The following FBXL3 variants were observed in gnomAD, a reference collection of about 807,000 sequenced individuals.
The protein encoded by FBXL3 is F-box and leucine rich repeat protein 3.
Under a neutral mutation model 37.9 loss-of-function variants are expected in FBXL3, and 14 were observed. That is an observed-to-expected ratio of 0.37 (90% CI 0.24 to 0.58). The LOEUF (loss-of-function observed/expected upper bound fraction) is 0.58. Among genes scored for constraint, FBXL3 ranks in the 20% least tolerant of loss-of-function variants. The pLI, the probability that FBXL3 is intolerant of heterozygous loss-of-function variation, is 0.74. For synonymous variants in FBXL3, 194 were observed against 180.1 expected, an observed-to-expected ratio of 1.08 and a Z score of -0.62; for missense variants, 327 against 511.1, an observed-to-expected ratio of 0.64 and a Z score of 3.47.
rs942164960 is a variant in FBXL3, at chr13:77,006,787, T to A, written c.*358A>T. On this transcript the variant is annotated 3_prime_UTR_variant, in exon 5 of 5. Transcript: ENST00000355619. ...AAAATGTCAAGTTTACATTTTTTTT[T>A]AAATGCATAGAGAATATAACATTTC... 109 of 995,982 alleles carry A rather than the reference T, an allele frequency of 1.1e-4. No homozygotes were observed. The highest frequency in any genetic ancestry group is 1.3e-4 in the Non-Finnish European group (104 of 830,140). The allele number at this position is 995,982 out of a possible 1,614,324, so 61.7% of individuals were successfully genotyped here. A position where few individuals can be genotyped will look rare whatever the true frequency, so the allele number is the denominator to read the frequency against.
At chr13:77,014,061 AAGG>A (rs1346545451) in intron 4 of FBXL3, 2 of 152,224 alleles carry the variant, frequency 1.3e-5, no homozygotes, top group Admixed American at 1.3e-4. Context: ...CTCAACCAGA[AAGG>A]AGAAGTTCCC....
At chr13:77,025,727 A>T (rs892027832) in intron 1 of FBXL3, among the ~76,000 whole-genome samples, 15 of 151,210 alleles carry the variant, frequency 9.9e-5, no homozygotes, top group African/African-American at 3.4e-4. Context: ...GAAAGAAGCA[A>T]CTTCATTAGG....
chr13:77,020,966 T>C (rs2034732302), intron 2 of FBXL3, among the ~76,000 whole-genome samples: 1 of 152,234 alleles, frequency 6.6e-6, no homozygotes, highest in Admixed American at 6.5e-5. Context: ...CACTGCATGA[T>C]TTCCAATACC....
At chr13:77,024,061 A>C (rs1409322099) in intron 1 of FBXL3, among the ~76,000 whole-genome samples, 1 of 152,228 alleles carries the variant, frequency 6.6e-6, no homozygotes, top group Admixed American at 6.5e-5. Context: ...AGAATGACAG[A>C]GGTGACAGCA....
intron 2 of FBXL3, among the ~76,000 whole-genome samples, chr13:77,021,283 A>C: frequency 6.6e-6 from 1 of 152,174 alleles, no homozygotes. Flanking sequence ...ACTTATGCTT[A>C]TTTAGTGGCT....
intron 1 of FBXL3, among the ~76,000 whole-genome samples, chr13:77,025,379 CCA>C (rs1457617210): frequency 2.0e-5 from 3 of 152,164 alleles, no homozygotes; most frequent in African/African-American, 7.2e-5. Flanking sequence ...TGAGGAAAGA[CCA>C]CAGACTAGCT....
intron 1 of FBXL3, chr13:77,026,365 C>T (rs918305960): frequency 2.3e-4 from 226 of 985,284 alleles, no homozygotes; most frequent in Middle Eastern, 1.6e-3. Context: ...CTTCCCCTGA[C>T]ATTTCTCATG....
chr13:77,018,899 A>G (rs1012366075), intron 2 of FBXL3, 177 bp from the exon 3 acceptor site: 6 of 513,664 alleles, frequency 1.2e-5, no homozygotes, highest in South Asian at 6.7e-5. Context: ...TATTCTTTCA[A>G]TCATCCACCC....
chr13:77,020,725 CTG>C (rs2034728421), intron 2 of FBXL3, among the ~76,000 whole-genome samples: 1 of 151,824 alleles, frequency 6.6e-6, no homozygotes, highest in South Asian at 2.1e-4. Flanking sequence ...ACACAAACCA[CTG>C]TGATTTTTTA....
chr13:77,008,907 A>T (rs73539752), intron 4 of FBXL3: 163 of 152,328 alleles, frequency 1.1e-3, no homozygotes, highest in African/African-American at 3.8e-3. Context: ...TAAGTTACCC[A>T]TTCAATCCAT....
chr13:77,019,106 G>A (rs1183950493), intron 2 of FBXL3: 2 of 155,912 alleles, frequency 1.3e-5, no homozygotes, highest in Non-Finnish European at 2.8e-5. Context: ...TATGTATTTG[G>A]TAGTGGATCA....
intron 2 of FBXL3, among the ~76,000 whole-genome samples, chr13:77,021,210 A>C (rs73539766): frequency 3.9e-5 from 6 of 152,280 alleles, no homozygotes; most frequent in Admixed American, 1.3e-4. Flanking sequence ...TTATTTTATT[A>C]GATATTTCTT....
At chr13:77,023,301 C>T (rs1173755828) in intron 1 of FBXL3, among the ~76,000 whole-genome samples, 4 of 151,872 alleles carry the variant, frequency 2.6e-5, no homozygotes, top group Admixed American at 1.3e-4. Flanking sequence ...CTGCATGCAC[C>T]ACCACACCCG....
At chr13:77,012,742 T>A (rs916256305) in intron 4 of FBXL3, 8 of 152,196 alleles carry the variant, frequency 5.3e-5, no homozygotes, top group Non-Finnish European at 8.8e-5. Flanking sequence ...TGAAATCTTA[T>A]GTGGTTATGC....
chr13:77,012,422 T>A (rs1261595961), intron 4 of FBXL3, among the ~76,000 whole-genome samples: 1 of 148,822 alleles, frequency 6.7e-6, no homozygotes, highest in Non-Finnish European at 1.5e-5. Context: ...TATAAGCCAA[T>A]TTTTTTTTTA....
rs1195389309 is a variant in FBXL3, at chr13:77,015,392, C to A, written c.643+17G>T. On this transcript the variant is annotated intron_variant, in intron 4 of 4. Coordinates refer to ENST00000355619, the MANE Select transcript of FBXL3 (RefSeq NM_012158.4). The stretch of plus-strand genomic sequence containing the variant: ...ATGCATTTTACTAAAATGTGTCTAG[C>A]AAAAAACACAACATACCTGCTGGAG... 3 of 1,494,952 alleles carry A rather than the reference C, an allele frequency of 2.0e-6. No individual in the cohort carries two copies. Among genetic ancestry groups the A allele is most frequent in the South Asian group, 1.4e-5 (1 of 71,174 alleles). 92.6% of individuals were successfully genotyped at this position (1,494,952 alleles called of 1,614,324 possible).
intron 4 of FBXL3, among the ~76,000 whole-genome samples, chr13:77,012,073 AT>A (rs770367968): frequency 1.2e-4 from 19 of 152,322 alleles, no homozygotes; most frequent in Non-Finnish European, 2.1e-4. Flanking sequence ...CAGAAAATAG[AT>A]TAGTGGTTGT....
rs908693524 is a variant in FBXL3, at chr13:77,010,518, T to A, written c.644-2730A>T. The A allele has an allele frequency of 2.8e-4, 42 of 152,190 alleles. 1 individual carries two copies. Among genetic ancestry groups the A allele is most frequent in the Admixed American group, 2.7e-3 (42 of 15,276 alleles). 9.4% of individuals were successfully genotyped at this position (152,190 alleles called of 1,614,324 possible). ...ATCATATGAGCCCCTTTTAAAGCAG[T>A]TTCCTCTGGCTGATTGCAGAAGAGG... On this transcript the variant is annotated intron_variant, in intron 4 of 4. Coordinates refer to ENST00000355619, the MANE Select transcript of FBXL3 (RefSeq NM_012158.4).
At chr13:77,026,600 T>G (rs1361909216) in intron 1 of FBXL3, among the ~76,000 whole-genome samples, 1 of 151,808 alleles carries the variant, frequency 6.6e-6, no homozygotes, top group African/African-American at 2.4e-5. Flanking sequence ...CACGCCTTGT[T>G]GACATGTTTG....
Sources: allele counts gnomAD v4.1 joint callset (sites outside exome capture counted in the v4.1 genomes callset), GRCh38; gene constraint gnomAD v4.1.1; transcripts MANE v1.5; gene names NCBI Gene and HGNC (gene_info 2026-07-23, HGNC 2026-07-21).